Variants in PCDHGA7 observed in about 807,000 individuals in gnomAD.
PCDHGA7 encodes the protein protocadherin gamma-A7.
In PCDHGA7, 44 loss-of-function variants were observed where a neutral mutation model predicts 58.3. That is an observed-to-expected ratio of 0.75 (90% CI 0.59 to 0.97). The LOEUF is 0.97. Among genes scored for constraint, PCDHGA7 ranks in the 50% least tolerant of loss-of-function variants. The probability of loss-of-function intolerance (pLI) is 0.00; values close to 1 mark genes in which losing one functional copy is unlikely to be tolerated. For missense variants in PCDHGA7, 1,266 were observed against 1,188.7 expected (o/e 1.06, Z -0.96); for synonymous variants, 516 against 504.2 (o/e 1.02, Z -0.31).
intron 2 of PCDHGA7, among the ~76,000 whole-genome samples, chr5:141,500,501 G>A (rs571735791): frequency 1.3e-5 from 2 of 152,058 alleles, no homozygotes; most frequent in Non-Finnish European, 2.9e-5. Context: ...GAGCCACCGC[G>A]CCTGGCCGAG....
At chr5:141,475,934 G>T in intron 1 of PCDHGA7, 1 of 665,236 alleles carries the variant, frequency 1.5e-6, no homozygotes, top group Non-Finnish European at 2.5e-6. Context: ...TCGGGCCCCT[G>T]CCCGTCCCCT....
chr5:141,408,720 A>T, intron 1 of PCDHGA7: 1 of 1,611,332 alleles, frequency 6.2e-7, no homozygotes, highest in Non-Finnish European at 8.5e-7. Context: ...TATAAGATAA[A>T]CTCTAATCCT....
intron 1 of PCDHGA7, among the ~76,000 whole-genome samples, chr5:141,464,715 T>C (rs1013508667): frequency 2.0e-5 from 3 of 152,090 alleles, no homozygotes; most frequent in Admixed American, 2.0e-4. Flanking sequence ...AAATAGTTTT[T>C]CATATGTTTA....
chr5:141,498,254 G>A (rs550611179), intron 2 of PCDHGA7, among the ~76,000 whole-genome samples: 2 of 152,338 alleles, frequency 1.3e-5, no homozygotes, highest in East Asian at 3.9e-4. Context: ...AGCAGGGCTG[G>A]TGTTGAGTTC....
At chr5:141,423,095 A>G (rs2096708889) in intron 1 of PCDHGA7, 3 of 1,613,978 alleles carry the variant, frequency 1.9e-6, no homozygotes, top group Non-Finnish European at 2.5e-6. Flanking sequence ...GTGGGGGAGC[A>G]CACGGGCGAG....
At chr5:141,450,565 C>T (rs1024229182) in intron 1 of PCDHGA7, among the ~76,000 whole-genome samples, 2 of 152,016 alleles carry the variant, frequency 1.3e-5, no homozygotes, top group Non-Finnish European at 2.9e-5. Context: ...CGGCTCACTG[C>T]AACTTCTGCC....
chr5:141,400,027 GC>G (rs746080003), intron 1 of PCDHGA7: 8 of 1,612,664 alleles, frequency 5.0e-6, no homozygotes, highest in Admixed American at 1.7e-5. Flanking sequence ...CAGGGACGCG[GC>G]CCGCCAGCGC....
intron 1 of PCDHGA7, chr5:141,409,877 G>A: frequency 6.2e-7 from 1 of 1,612,860 alleles, no homozygotes; most frequent in Non-Finnish European, 8.5e-7. Context: ...CAATGACAAC[G>A]CACCGCGGGT....
intron 1 of PCDHGA7, among the ~76,000 whole-genome samples, chr5:141,450,829 ATTT>A (rs373424450): frequency 7.4e-6 from 1 of 135,126 alleles, no homozygotes; most frequent in African/African-American, 2.7e-5. Flanking sequence ...TATTATTATT[ATTT>A]TTTTTTTTTT....
At chr5:141,440,982 A>G (rs940098060) in intron 1 of PCDHGA7, 4 of 152,234 alleles carry the variant, frequency 2.6e-5, no homozygotes, top group Non-Finnish European at 5.9e-5. Context: ...TTCACAACCC[A>G]GAGTACCCAT....
chr5:141,419,207 CCGGTTTTCGGACAGT>C, intron 1 of PCDHGA7: 5 of 1,613,998 alleles, frequency 3.1e-6, no homozygotes, highest in Non-Finnish European at 4.2e-6. Flanking sequence ...TGACAACGCG[CCGGTTTTCGGACAGT>C]CAGCCTACCT....
chr5:141,413,485 G>C lies in PCDHGA7; in HGVS notation c.2424+28162G>C, dbSNP rs184712199. ...CCGGGAGGAGCTCTGCGCTCAGAGC[G>C]CGCGGTGCGTGGTGAGTTTTAATAT... is the stretch of plus-strand genomic sequence containing the variant. On this transcript the variant is annotated intron_variant, in intron 1 of 3. Coordinates refer to ENST00000518325, the MANE Select transcript of PCDHGA7 (RefSeq NM_018920.4). 439 of 1,614,058 alleles carry C rather than the reference G, an allele frequency of 2.7e-4. 1 individual carries two copies. In the African/African-American group the frequency reaches 4.6e-3, roughly 17 times the overall value.
At chr5:141,423,140 C>T (rs760216287) in intron 1 of PCDHGA7, 7 of 1,613,498 alleles carry the variant, frequency 4.3e-6, no homozygotes, top group Non-Finnish European at 2.5e-6. Flanking sequence ...GACAGAGACG[C>T]GCTCAAGCAG....
chr5:141,408,937 C>T (rs2095198483), intron 1 of PCDHGA7: 5 of 1,613,344 alleles, frequency 3.1e-6, no homozygotes, highest in African/African-American at 1.3e-5. Flanking sequence ...TCAGCAGAGA[C>T]GAATATAGAA....
chr5:141,477,157 C>G lies in PCDHGA7; in HGVS notation c.2425-17650C>G. ...TGGTGGAGGTTGTGGATGTGAATGA[C>G]AACGCCCCGGAGATCACAGTCACCT... is the stretch of plus-strand genomic sequence containing the variant. On this transcript the variant is annotated intron_variant, in intron 1 of 3. Transcript: ENST00000518325. This position sits in a 1 kb window ranked among gnomAD's most constrained non-coding sequence, Gnocchi z 4.9. 1 of 1,614,182 alleles carries G rather than the reference C, an allele frequency of 6.2e-7. No individual in the cohort carries two copies. Among genetic ancestry groups the G allele is most frequent in the Non-Finnish European group, 8.5e-7 (1 of 1,180,038 alleles).
At chr5:141,401,016 A>G (rs910501602) in intron 1 of PCDHGA7, among the ~76,000 whole-genome samples, 2 of 152,182 alleles carry the variant, frequency 1.3e-5, no homozygotes, top group Admixed American at 6.5e-5. Context: ...TAATGGATTT[A>G]TGATTTTTTG....
chr5:141,441,289 T>C (rs1350801949), intron 1 of PCDHGA7: 1 of 152,212 alleles, frequency 6.6e-6, no homozygotes, highest in Non-Finnish European at 1.5e-5. Flanking sequence ...CGAGGTCACA[T>C]GTCTGATATA....
intron 1 of PCDHGA7, chr5:141,415,715 T>A: frequency 7.0e-7 from 1 of 1,428,190 alleles, no homozygotes; most frequent in Non-Finnish European, 9.3e-7. Flanking sequence ...AAAACACTGA[T>A]GAGTAGAATT....
At chr5:141,415,395 CGGCTCGCACTTT>C (rs2095864519) in intron 1 of PCDHGA7, 2 of 1,614,092 alleles carry the variant, frequency 1.2e-6, no homozygotes. Flanking sequence ...CAGGTGTGTC[CGGCTCGCACTTT>C]GTGGGCGTGG....
Sources: allele counts gnomAD v4.1 joint callset (sites outside exome capture counted in the v4.1 genomes callset), GRCh38; gene constraint gnomAD v4.1.1; non-coding constraint Gnocchi (gnomAD v3.1); transcripts MANE v1.5; gene names NCBI Gene and HGNC (gene_info 2026-07-23, HGNC 2026-07-21).